The following PPM1L variants were observed in gnomAD, a reference collection of about 807,000 sequenced individuals.
PPM1L encodes protein phosphatase 1L.
PPM1L carries 13 observed loss-of-function variants against 31.4 expected under a neutral mutation model. The observed-to-expected ratio is 0.41, with a 90% CI of 0.27 to 0.66. The LOEUF (loss-of-function observed/expected upper bound fraction) is 0.66, where lower values mean the gene tolerates loss of function less well. Among genes scored for constraint, PPM1L ranks in the 30% least tolerant of loss-of-function variants. The probability of loss-of-function intolerance (pLI) is 0.29; values close to 1 mark genes in which losing one functional copy is unlikely to be tolerated. For synonymous variants in PPM1L, 184 were observed against 175.4 expected, an observed-to-expected ratio of 1.05 and a Z score of -0.39; for missense variants, 326 against 453.7, an observed-to-expected ratio of 0.72 and a Z score of 2.56.
At chr3:160,757,761 C>A (rs947016190) in intron 1 of PPM1L, among the ~76,000 whole-genome samples, 30 of 152,182 alleles carry the variant, frequency 2.0e-4, no homozygotes, top group Admixed American at 7.2e-4. Flanking sequence ...TTATTCTTAA[C>A]CCCTTCCTGT....
rs183194514 is a variant in PPM1L at position 160,920,930 on chromosome 3, C to A, written c.400-40806C>A. On this transcript the variant is annotated intron_variant, in intron 1 of 3. Coordinates refer to ENST00000498165, the MANE Select transcript of PPM1L (RefSeq NM_139245.4). ...ATGGCCACAATGTGAGACAGCAGCA[C>A]AGTAGTGACTATCTCACCATTTTCT... Among the ~76,000 whole-genome samples, 401 of 152,186 alleles carry A rather than the reference C, an allele frequency of 2.6e-3. 1 individual carries two copies. The highest frequency in any genetic ancestry group is 9.3e-3 in the African/African-American group (388 of 41,502).
chr3:160,997,437 A>G (rs1410208919), intron 2 of PPM1L, among the ~76,000 whole-genome samples: 1 of 152,218 alleles, frequency 6.6e-6, no homozygotes, highest in Middle Eastern at 3.2e-3. Flanking sequence ...GACCTTTAGT[A>G]AAAGGGAGAA....
chr3:160,756,401 C>T lies in PPM1L; in HGVS notation c.93C>T (p.Ile31=). ...LRPETLFLLC[I]SLALWSYFFH... is the part of the protein sequence containing the mutation. ...CCGAGACGCTTTTCCTGCTGTGCAT[C>T]AGCTTGGCTCTATGGAGTTACTTCT... The change falls in exon 1 of 4, where the codon ATC becomes ATT. Residue 31 remains isoleucine (I), a synonymous_variant. Coordinates refer to ENST00000498165, the MANE Select transcript of PPM1L (RefSeq NM_139245.4). This position sits in a 1 kb window ranked among gnomAD's most constrained non-coding sequence, Gnocchi z 6.2. 1 of 1,614,246 alleles carries T rather than the reference C, an allele frequency of 6.2e-7. No individual in the cohort carries two copies. Among genetic ancestry groups the T allele is most frequent in the Non-Finnish European group, 8.5e-7 (1 of 1,180,042 alleles).
At chr3:160,867,765 G>C (rs899003274) in intron 1 of PPM1L, among the ~76,000 whole-genome samples, 1 of 152,144 alleles carries the variant, frequency 6.6e-6, no homozygotes, top group Admixed American at 6.5e-5. Context: ...TGGTGGCATG[G>C]TATCATTGTA....
intron 2 of PPM1L, among the ~76,000 whole-genome samples, chr3:160,977,492 T>G (rs1320229559): frequency 6.6e-6 from 1 of 152,224 alleles, no homozygotes; most frequent in Admixed American, 6.5e-5. Context: ...TATGAATCTA[T>G]TTTCTAGAAT....
At chr3:160,996,535 G>T (rs769828674) in intron 2 of PPM1L, among the ~76,000 whole-genome samples, 13 of 152,158 alleles carry the variant, frequency 8.5e-5, no homozygotes, top group Non-Finnish European at 1.8e-4. Flanking sequence ...AAGTAACTCA[G>T]AAATGGAAAA....
intron 1 of PPM1L, among the ~76,000 whole-genome samples, chr3:160,873,767 G>A (rs943073827): frequency 7.2e-5 from 11 of 151,986 alleles, no homozygotes; most frequent in African/African-American, 2.4e-4. Context: ...GGCTGGTCTT[G>A]AACTCCTGAC....
chr3:160,874,380 G>A (rs1712430917), intron 1 of PPM1L, among the ~76,000 whole-genome samples: 1 of 152,158 alleles, frequency 6.6e-6, no homozygotes, highest in African/African-American at 2.4e-5. Flanking sequence ...AGCCTCCCTT[G>A]ATTCTAGCTC....
intron 2 of PPM1L, among the ~76,000 whole-genome samples, chr3:161,017,369 A>G (rs1265846502): frequency 6.6e-6 from 1 of 152,208 alleles, no homozygotes. Context: ...TAGACCAATT[A>G]TGGAGTCTGA....
chr3:160,883,741 C>T (rs1189077833), intron 1 of PPM1L, among the ~76,000 whole-genome samples: 1 of 151,814 alleles, frequency 6.6e-6, no homozygotes, highest in South Asian at 2.1e-4. Flanking sequence ...TGGGGCTAGG[C>T]AGATTGGGTG....
At chr3:160,841,604 A>G (rs780028371) in intron 1 of PPM1L, among the ~76,000 whole-genome samples, 2 of 152,170 alleles carry the variant, frequency 1.3e-5, no homozygotes, top group Non-Finnish European at 2.9e-5. Context: ...CTTTCTTATA[A>G]TTCTTTTCTT....
In PPM1L at chr3:161,006,221, G is replaced by A. The variant is rs183636182; in HGVS notation, c.574+44311G>A. The stretch of plus-strand genomic sequence containing the variant: ...TGCTGCAACATGGATAAATCTTGAG[G>A]ACATTATGCTGAGTGAAATAAGCTA... On this transcript the variant is annotated intron_variant, in intron 2 of 3. Transcript: ENST00000498165. 1.9e-3 allele frequency among the ~76,000 whole-genome samples: 286 copies of A among 152,276 alleles called. 1 individual carries two copies. The highest frequency in any genetic ancestry group is 6.5e-3 in the African/African-American group (272 of 41,548).
At chr3:160,982,917 T>G (rs1293319430) in intron 2 of PPM1L, among the ~76,000 whole-genome samples, 1 of 152,196 alleles carries the variant, frequency 6.6e-6, no homozygotes. Context: ...TGTGGCTAGA[T>G]TTTTTAAAAA....
At chr3:160,984,923 G>A (rs1291448192) in intron 2 of PPM1L, among the ~76,000 whole-genome samples, 2 of 152,160 alleles carry the variant, frequency 1.3e-5, no homozygotes. Flanking sequence ...AGGGAGGGCT[G>A]GTGGTGTCTA....
intron 1 of PPM1L, among the ~76,000 whole-genome samples, chr3:160,936,204 C>T (rs111333181): frequency 3.9e-5 from 6 of 152,162 alleles, no homozygotes; most frequent in African/African-American, 1.2e-4. Flanking sequence ...ATTCTCCTGC[C>T]TCAGCCTCCT....
intron 1 of PPM1L, among the ~76,000 whole-genome samples, chr3:160,843,131 T>G (rs1713943673): frequency 6.6e-6 from 1 of 151,954 alleles, no homozygotes; most frequent in Non-Finnish European, 1.5e-5. Context: ...CCTCCTATCC[T>G]GTATCTCACA....
rs1193559277 is a variant in PPM1L at position 161,071,663 on chromosome 3, A to G, written c.*2506A>G. 6.6e-6 allele frequency: 1 copy of G among 152,186 alleles called. No homozygotes were observed. 9.4% of individuals were successfully genotyped at this position (152,186 alleles called of 1,614,324 possible). On this transcript the variant is annotated 3_prime_UTR_variant, in exon 4 of 4. Coordinates refer to ENST00000498165, the MANE Select transcript of PPM1L (RefSeq NM_139245.4). ...AGGCAAAACTGTAGCAGTTTCATTA[A>G]TAGTTGTTAGGATAGTTATATCTAA... is the stretch of plus-strand genomic sequence containing the variant.
chr3:160,808,218 C>T (rs1277997603), intron 1 of PPM1L, among the ~76,000 whole-genome samples: 4 of 151,848 alleles, frequency 2.6e-5, no homozygotes, highest in Non-Finnish European at 5.9e-5. Context: ...ACTCTGTTTT[C>T]CCCTTTGAGC....
At chr3:160,955,231 G>A (rs910045758) in intron 1 of PPM1L, among the ~76,000 whole-genome samples, 23 of 151,886 alleles carry the variant, frequency 1.5e-4, no homozygotes, top group African/African-American at 5.3e-4. Flanking sequence ...GGATAGTCTC[G>A]ATCTCTTGAC....
Sources: gnomAD v4.1 joint callset for allele counts (sites outside exome capture counted in the v4.1 genomes callset) on GRCh38, gnomAD v4.1.1 for gene constraint, Gnocchi (gnomAD v3.1) non-coding constraint, MANE v1.5 for transcripts, NCBI Gene and HGNC (gene_info 2026-07-23, HGNC 2026-07-21) for gene names.